Variants in FBLN7 observed in about 807,000 individuals in gnomAD.
FBLN7 encodes the protein fibulin-7.
FBLN7 carries 31 observed loss-of-function variants against 44.0 expected under a neutral mutation model. That is an observed-to-expected ratio of 0.70 (90% CI 0.53 to 0.95). The LOEUF (loss-of-function observed/expected upper bound fraction) is 0.95. Among genes scored for constraint, FBLN7 ranks in the 40% least tolerant of loss-of-function variants. The probability of loss-of-function intolerance (pLI) is 0.00; values close to 1 mark genes in which losing one functional copy is unlikely to be tolerated. For synonymous variants in FBLN7, 262 were observed against 253.4 expected, an observed-to-expected ratio of 1.03 and a Z score of -0.32; for missense variants, 573 against 618.5, an observed-to-expected ratio of 0.93 and a Z score of 0.78.
Position 112,178,984 on chromosome 2 carries a change from C to T in FBLN7, c.533-2755C>T, listed in dbSNP as rs555000449. On this transcript the variant is annotated intron_variant, in intron 4 of 7. Transcript: ENST00000331203. Reference sequence around the variant, plus strand: ...TTCAACGTAGTATTGGAAGTCCTGGCGAGAGCAACAGGCGAGAGAAAGAAA... The same window carrying T: ...TTCAACGTAGTATTGGAAGTCCTGGTGAGAGCAACAGGCGAGAGAAAGAAA... 1.1e-4 allele frequency among the ~76,000 whole-genome samples: 16 copies of T among 152,176 alleles called. No homozygotes were observed. The South Asian group carries it at 3.1e-3, about 30-fold the overall frequency.
At chr2:112,159,318 A>G (rs1252146995) in intron 1 of FBLN7, among the ~76,000 whole-genome samples, 2 of 152,180 alleles carry the variant, frequency 1.3e-5, no homozygotes, top group Admixed American at 6.5e-5. Context: ...AGTGACAGAA[A>G]GAAAATGTTT....
the FBLN7 span, chr2:112,233,239 A>T: frequency 6.8e-7 from 1 of 1,462,958 alleles, no homozygotes; most frequent in Non-Finnish European, 9.3e-7. Flanking sequence ...TAAAGTCACC[A>T]TATCTTGTGA....
At chr2:112,156,657 C>T (rs1033445121) in intron 1 of FBLN7, among the ~76,000 whole-genome samples, 4 of 152,106 alleles carry the variant, frequency 2.6e-5, no homozygotes, top group African/African-American at 7.2e-5. Flanking sequence ...GGGACCACAA[C>T]GTGGGAGGAG....
chr2:112,222,621 AATGTCTGTCAAAAAGGACAAACT>A, the FBLN7 span, among the ~76,000 whole-genome samples: 1 of 152,216 alleles, frequency 6.6e-6, no homozygotes, highest in Admixed American at 6.5e-5. Context: ...TGGTGACAGA[AATGTCTGTCAAAAAGGACAAACT>A]GTATGATTTC....
In FBLN7 at chr2:112,185,287, C is replaced by T. The variant is rs775970893; in HGVS notation, c.895C>T (p.Pro299Ser). ...NTGGSFQCVS[P>S]ECPEGSGNVS... ...CGGTGGAAGCTTCCAGTGTGTCAGCCCTGAGTGCCCCGAGGGCAGCGGCAA... is the reference window on the plus strand; with the variant it reads ...CGGTGGAAGCTTCCAGTGTGTCAGCTCTGAGTGCCCCGAGGGCAGCGGCAA... Residue 299 changes from proline to serine, a missense_variant, in exon 7 of 8, where the codon CCT (proline) becomes TCT (serine). Pro to Ser is a moderately conservative substitution (Grantham distance 74, BLOSUM62 -1). Coordinates refer to ENST00000331203, the MANE Select transcript of FBLN7 (RefSeq NM_153214.3). 5.0e-6 allele frequency: 8 copies of T among 1,613,928 alleles called. No individual in the cohort carries two copies. In the Admixed American group the frequency reaches 1.3e-4, roughly 27 times the overall value.
rs769554941 is a variant in FBLN7, at chr2:112,187,396, G to A, written c.1210G>A (p.Gly404Arg). 3.7e-6 allele frequency: 6 copies of A among 1,614,178 alleles called. No homozygotes were observed. In the South Asian group the frequency reaches 4.4e-5, roughly 12 times the overall value. Residue 404 changes from glycine to arginine, a missense_variant, in exon 8 of 8, where the codon GGG becomes AGG. Transcript: ENST00000331203. This position sits in a 1 kb window ranked among gnomAD's most constrained non-coding sequence, Gnocchi z 5.1. The part of the protein sequence containing the change: ...GDLILVQNLE[G>R]PQTLEVDVDM... ...TCTGATCCTTGTGCAGAACCTGGAGGGGCCTCAGACGCTGGAGGTGGACGT... is the reference window on the plus strand; with the variant it reads ...TCTGATCCTTGTGCAGAACCTGGAGAGGCCTCAGACGCTGGAGGTGGACGT...
chr2:112,142,877 TTGTA>T (rs747529473), intron 1 of FBLN7, among the ~76,000 whole-genome samples: 9 of 151,868 alleles, frequency 5.9e-5, no homozygotes, highest in African/African-American at 1.9e-4. Flanking sequence ...GCGTGAGTGA[TTGTA>T]TGTGTGATGG....
At chr2:112,161,121 C>T (rs1234285894) in intron 2 of FBLN7, among the ~76,000 whole-genome samples, 2 of 152,182 alleles carry the variant, frequency 1.3e-5, no homozygotes, top group African/African-American at 4.8e-5. Context: ...TTTCACACCG[C>T]CAAGACCCAG....
the FBLN7 span, among the ~76,000 whole-genome samples, chr2:112,196,374 C>CTTTTTT: frequency 3.2e-4 from 20 of 63,250 alleles, no homozygotes; most frequent in East Asian, 5.3e-4. Flanking sequence ...TCTTCTTCTT[C>CTTTTTT]TTTTTTTTTT....
At chr2:112,232,314 C>CA in the FBLN7 span, among the ~76,000 whole-genome samples, 29,504 of 71,114 alleles carry the variant, frequency 0.41, 5,134 homozygotes, top group Middle Eastern at 0.6. Flanking sequence ...GATAATGTCT[C>CA]AAAAAAAAAA....
At chr2:112,242,151 T>C in the FBLN7 span, among the ~76,000 whole-genome samples, 12 of 152,198 alleles carry the variant, frequency 7.9e-5, no homozygotes, top group Non-Finnish European at 1.5e-4. Context: ...CAAAAGCATG[T>C]GACAAAAATC....
At chr2:112,195,694 T>C in the FBLN7 span, among the ~76,000 whole-genome samples, 1 of 152,170 alleles carries the variant, frequency 6.6e-6, no homozygotes, top group Non-Finnish European at 1.5e-5. Flanking sequence ...TAAGTAGGTT[T>C]CAGATGGAGT....
intron 1 of FBLN7, among the ~76,000 whole-genome samples, chr2:112,139,262 C>T (rs1283630263): frequency 1.2e-4 from 1 of 8,228 alleles, no homozygotes; most frequent in Non-Finnish European, 2.3e-4. Flanking sequence ...CTCTCCAGGC[C>T]AGCGTCCCTC....
the FBLN7 span, chr2:112,233,514 A>T: frequency 3.2e-6 from 2 of 621,388 alleles, no homozygotes; most frequent in Non-Finnish European, 5.7e-6. Flanking sequence ...CTGTTAATAA[A>T]TTATAACCAC....
intron 3 of FBLN7, among the ~76,000 whole-genome samples, chr2:112,170,471 G>A (rs1682401317): frequency 1.3e-5 from 2 of 150,860 alleles, no homozygotes; most frequent in Non-Finnish European, 2.9e-5. Flanking sequence ...AGATTGCAGT[G>A]AGTCGAGATC....
chr2:112,143,008 G>C (rs1473121323), intron 1 of FBLN7, among the ~76,000 whole-genome samples: 1 of 152,180 alleles, frequency 6.6e-6, no homozygotes, highest in East Asian at 1.9e-4. Flanking sequence ...AGGGGAGGCT[G>C]TGTGCTGCAG....
intron 4 of FBLN7, among the ~76,000 whole-genome samples, chr2:112,180,470 G>T (rs933333204): frequency 6.6e-6 from 1 of 152,128 alleles, no homozygotes; most frequent in African/African-American, 2.4e-5. Flanking sequence ...ACTACCACTT[G>T]ACCCAGCAAT....
At position 112,175,821 on chromosome 2, in the gene FBLN7, C is replaced by A; in HGVS notation, c.514C>A (p.Gln172Lys). ...CPPGRTGNRC[Q>K]HQAQTAAPEG... ...TCCAGGAAGGACTGGGAACCGCTGT[C>A]AGCATCAGGCCCAGACTGGTATGTA... Residue 172 changes from glutamine (Q) to lysine (K), a missense_variant, in exon 4 of 8, where the codon CAG becomes AAG. Coordinates refer to ENST00000331203, the MANE Select transcript of FBLN7 (RefSeq NM_153214.3). The A allele has an allele frequency of 1.2e-6, 2 of 1,614,114 alleles. No individual in the cohort carries two copies. Among genetic ancestry groups the A allele is most frequent in the South Asian group, 2.2e-5 (2 of 91,076 alleles).
intron 6 of FBLN7, among the ~76,000 whole-genome samples, chr2:112,184,654 AGGTATATGGTATATATATGC>A (rs1242244491): frequency 1.5e-5 from 1 of 64,632 alleles, no homozygotes; most frequent in Non-Finnish European, 3.1e-5. Context: ...TAGTATATAT[AGGTATATGGTATATATATGC>A]TGTATATGGT....
Sources: allele counts gnomAD v4.1 joint callset (sites outside exome capture counted in the v4.1 genomes callset), GRCh38; gene constraint gnomAD v4.1.1; non-coding constraint Gnocchi (gnomAD v3.1); transcripts MANE v1.5; gene names NCBI Gene and HGNC (gene_info 2026-07-23, HGNC 2026-07-21).